Variants in SNX13 observed in about 807,000 individuals in gnomAD.
SNX13 encodes sorting nexin-13.
A neutral mutation model predicts 133.6 loss-of-function variants in SNX13; 45 were observed. The ratio of observed to expected loss-of-function variants is 0.34; its 90% CI spans 0.27 to 0.43. The LOEUF (loss-of-function observed/expected upper bound fraction) is 0.43, where lower values mean the gene tolerates loss of function less well. Among genes scored for constraint, SNX13 ranks in the 20% least tolerant of loss-of-function variants. The pLI is 1.00. For synonymous variants in SNX13, 414 were observed against 373.9 expected (o/e 1.11, Z -1.24); for missense variants, 1,032 against 1,145.1 (o/e 0.90, Z 1.43).
chr7:17,928,845 T>G (rs1369674181), intron 1 of SNX13, among the ~76,000 whole-genome samples: 2 of 152,134 alleles, frequency 1.3e-5, no homozygotes, highest in Non-Finnish European at 2.9e-5. Flanking sequence ...TAGTGTTCAT[T>G]TAAGTCCAAG....
chr7:17,801,541 C>T (rs757641622), intron 22 of SNX13, 47 bp downstream of exon 22: 2 of 1,433,940 alleles, frequency 1.4e-6, no homozygotes, highest in Non-Finnish European at 1.9e-6. Flanking sequence ...AAAAGATATG[C>T]CAAGTATGAC....
chr7:17,825,722 G>A (rs1373428034), intron 17 of SNX13, among the ~76,000 whole-genome samples: 2 of 152,076 alleles, frequency 1.3e-5, no homozygotes, highest in African/African-American at 2.4e-5. Flanking sequence ...GAATTATACA[G>A]ACAACTATCA....
intron 5 of SNX13, chr7:17,888,099 A>G (rs1381375130): frequency 6.6e-6 from 1 of 152,198 alleles, no homozygotes; most frequent in African/African-American, 2.4e-5. Flanking sequence ...GTAGTAATAG[A>G]AAAAGGGAAT....
intron 1 of SNX13, among the ~76,000 whole-genome samples, chr7:17,906,854 TC>T (rs1798457504): frequency 6.6e-6 from 1 of 152,066 alleles, no homozygotes; most frequent in South Asian, 2.1e-4. Context: ...ATAGGAGACT[TC>T]CTGTAAAAAT....
intron 8 of SNX13, among the ~76,000 whole-genome samples, chr7:17,869,478 C>T (rs946785262): frequency 2.0e-5 from 3 of 151,912 alleles, no homozygotes; most frequent in African/African-American, 7.2e-5. Context: ...ATTTATGAAC[C>T]CTAATTTCTT....
intron 1 of SNX13, among the ~76,000 whole-genome samples, chr7:17,939,332 C>T (rs1312287574): frequency 1.3e-5 from 2 of 152,190 alleles, no homozygotes; most frequent in African/African-American, 2.4e-5. Flanking sequence ...AGGATCCTCA[C>T]AGTACTTAAA....
intron 16 of SNX13, among the ~76,000 whole-genome samples, chr7:17,827,117 A>G (rs572358602): frequency 3.3e-5 from 5 of 152,136 alleles, no homozygotes; most frequent in East Asian, 1.9e-4. Context: ...TTAGTCTCCA[A>G]TGAATTTTCC....
At chr7:17,895,787 TTC>T (rs1409159046) in intron 2 of SNX13, among the ~76,000 whole-genome samples, 2 of 152,192 alleles carry the variant, frequency 1.3e-5, no homozygotes, top group Non-Finnish European at 2.9e-5. Flanking sequence ...CTGATTACTC[TTC>T]TCTTTTTCCT....
chr7:17,820,248 G>A (rs1787139838), intron 18 of SNX13, among the ~76,000 whole-genome samples: 1 of 151,978 alleles, frequency 6.6e-6, no homozygotes, highest in South Asian at 2.1e-4. Context: ...AAATTCATTT[G>A]CAAATAAATA....
chr7:17,933,776 A>C (rs1801693732), intron 1 of SNX13, among the ~76,000 whole-genome samples: 2 of 144,882 alleles, frequency 1.4e-5, no homozygotes, highest in Non-Finnish European at 3.0e-5. Flanking sequence ...TAGGATTTAC[A>C]TTCATTAGTA....
intron 1 of SNX13, among the ~76,000 whole-genome samples, chr7:17,908,757 T>C (rs1370770434): frequency 6.6e-6 from 1 of 152,174 alleles, no homozygotes; most frequent in African/African-American, 2.4e-5. Context: ...CACAGTTTTG[T>C]AGGAGACAAC....
At chr7:17,895,649 G>A (rs10258047) in intron 2 of SNX13, among the ~76,000 whole-genome samples, 3,203 of 152,008 alleles carry the variant, frequency 0.021, 122 homozygotes, top group African/African-American at 0.072. Context: ...AAGATTTTTT[G>A]AAATTATTCC....
chr7:17,939,259 C>T (rs1479114572), intron 1 of SNX13, among the ~76,000 whole-genome samples: 1 of 152,206 alleles, frequency 6.6e-6, no homozygotes, highest in Non-Finnish European at 1.5e-5. Context: ...CCATTGCCCA[C>T]TAAAACTGTT....
chr7:17,924,315 G>C (rs1048695925), intron 1 of SNX13, among the ~76,000 whole-genome samples: 20 of 152,058 alleles, frequency 1.3e-4, no homozygotes, highest in African/African-American at 4.8e-4. Flanking sequence ...TTAAAAATGG[G>C]CACAAGACTT....
intron 21 of SNX13, among the ~76,000 whole-genome samples, chr7:17,802,933 T>G (rs1784793932): frequency 6.6e-6 from 1 of 152,126 alleles, no homozygotes; most frequent in African/African-American, 2.4e-5. Context: ...CGCAGAGGTC[T>G]ATACCCAGTA....
At position 17,871,097 on chromosome 7, in the gene SNX13, C is replaced by T. The variant is rs546893043; in HGVS notation, c.753+2431G>A. 2.2e-4 allele frequency among the ~76,000 whole-genome samples: 34 copies of T among 152,048 alleles called. 1 individual carries two copies. The East Asian group carries it at 6.4e-3, about 29-fold the overall frequency. ...CTCAGCTCACTGCAAGCTCCGCCTC[C>T]CGGGTTCATGCCATTCTCCTGCCTC... On this transcript the variant is annotated intron_variant, in intron 8 of 25. Coordinates refer to ENST00000428135, the MANE Select transcript of SNX13 (RefSeq NM_015132.5).
chr7:17,894,535 G>C lies in SNX13; in HGVS notation c.126-1101C>G, dbSNP rs935728233. 5.9e-5 allele frequency among the ~76,000 whole-genome samples: 9 copies of C among 151,840 alleles called. No homozygotes were observed. In the South Asian group the frequency reaches 1.7e-3, roughly 28 times the overall value. On this transcript the variant is annotated intron_variant, in intron 2 of 25. Coordinates refer to ENST00000428135, the MANE Select transcript of SNX13 (RefSeq NM_015132.5). The stretch of plus-strand genomic sequence containing the variant: ...TTGTTTAAAATAAGGCTGGAATTAA[G>C]AAAATATAAATGTATCCCAAAAAAA...
intron 9 of SNX13, among the ~76,000 whole-genome samples, chr7:17,858,937 T>A: frequency 6.6e-6 from 1 of 152,212 alleles, no homozygotes. Context: ...AACTGTCATA[T>A]TCCACACACA....
chr7:17,838,621 TA>T (rs1451155671), intron 13 of SNX13, among the ~76,000 whole-genome samples: 1 of 151,948 alleles, frequency 6.6e-6, no homozygotes, highest in Non-Finnish European at 1.5e-5. Context: ...TTCTAAGCAC[TA>T]AGTAGCTGCA....
Sources: gnomAD v4.1 joint callset for allele counts (sites outside exome capture counted in the v4.1 genomes callset) on GRCh38, gnomAD v4.1.1 for gene constraint, MANE v1.5 for transcripts, NCBI Gene and HGNC (gene_info 2026-07-23, HGNC 2026-07-21) for gene names.